SFXN5: variants seen among roughly 807,000 people sequenced by gnomAD.
SFXN5 encodes sideroflexin-5.
Under a neutral mutation model 50.2 loss-of-function variants are expected in SFXN5, and 43 were observed. That is an observed-to-expected ratio of 0.86 (90% CI 0.67 to 1.11). The LOEUF (loss-of-function observed/expected upper bound fraction) is 1.11, where lower values mean the gene tolerates loss of function less well. SFXN5 is among the 50% of genes least tolerant of loss of function. SFXN5 has a pLI of 0.00. For missense variants in SFXN5, 463 were observed against 454.1 expected (o/e 1.02, Z -0.18); for synonymous variants, 203 against 185.8 (o/e 1.09, Z -0.75).
chr2:72,986,302 T>G (rs1312091905), intron 10 of SFXN5, among the ~76,000 whole-genome samples: 2 of 152,362 alleles, frequency 1.3e-5, no homozygotes, highest in South Asian at 4.1e-4. Flanking sequence ...CAATGACCTC[T>G]CACCCTCTCA....
At chr2:73,025,143 A>AAAC (rs537680438) in intron 3 of SFXN5, among the ~76,000 whole-genome samples, 4 of 152,132 alleles carry the variant, frequency 2.6e-5, no homozygotes, top group African/African-American at 4.8e-5. Context: ...GGTTATTTAA[A>AAAC]AACAACAACA....
chr2:73,001,393 T>G (rs886560412), intron 7 of SFXN5, 132 bp downstream of exon 7: 1 of 866,950 alleles, frequency 1.2e-6, no homozygotes, highest in African/African-American at 1.7e-5. Context: ...GCTTCTGGGC[T>G]AGGGGTGGTG....
chr2:73,068,291 A>T (rs565039682), intron 1 of SFXN5, among the ~76,000 whole-genome samples: 1 of 152,352 alleles, frequency 6.6e-6, no homozygotes, highest in East Asian at 1.9e-4. Context: ...GGCTTCTGTC[A>T]GGCCAGCACA....
chr2:73,056,214 A>T (rs1022361776), intron 2 of SFXN5, among the ~76,000 whole-genome samples: 11 of 152,146 alleles, frequency 7.2e-5, no homozygotes, highest in African/African-American at 2.4e-4. Flanking sequence ...TTGTAAATAC[A>T]TATAAAAAGT....
chr2:73,039,722 A>G (rs2105918620), intron 3 of SFXN5, among the ~76,000 whole-genome samples: 1 of 152,288 alleles, frequency 6.6e-6, no homozygotes, highest in East Asian at 1.9e-4. Context: ...CCTGCGGAAC[A>G]GGCATGGGAA....
At chr2:73,054,284 T>C (rs1681796333) in intron 2 of SFXN5, among the ~76,000 whole-genome samples, 1 of 152,222 alleles carries the variant, frequency 6.6e-6, no homozygotes, top group Non-Finnish European at 1.5e-5. Context: ...AAAGGAACAT[T>C]GAAATTTGAA....
rs1365882723 is a variant in SFXN5, at chr2:72,971,579, T to C, written c.732A>G (p.Ala244=). ...GAACCCCCAGACCCACGTGTCGGGC[T>C]GCGATCTTGGAGGAGCCCACGAGGT... ...DGNLVGSSKI[A]ARHALLETAL... is the part of the protein sequence containing the mutation. The change falls in exon 11 of 14, where the codon GCA becomes GCG. Residue 244 remains alanine (A), a synonymous_variant. Coordinates refer to ENST00000272433, the MANE Select transcript of SFXN5 (RefSeq NM_144579.3). 2 of 1,613,622 alleles carry C rather than the reference T, an allele frequency of 1.2e-6. No individual in the cohort carries two copies. Among genetic ancestry groups the C allele is most frequent in the African/African-American group, 2.7e-5 (2 of 74,924 alleles).
At chr2:72,974,347 G>A (rs1348024621) in intron 10 of SFXN5, among the ~76,000 whole-genome samples, 1 of 152,132 alleles carries the variant, frequency 6.6e-6, no homozygotes, top group African/African-American at 2.4e-5. Flanking sequence ...CATTAAACAT[G>A]CGGCGAGCAG....
At chr2:72,977,986 AAAG>A (rs1473510942) in intron 10 of SFXN5, among the ~76,000 whole-genome samples, 3 of 143,274 alleles carry the variant, frequency 2.1e-5, no homozygotes, top group Admixed American at 6.9e-5. Context: ...AAAAAAAAAA[AAAG>A]AAAGAAAGAA....
rs767954216 is a variant in SFXN5 at position 72,945,310 on chromosome 2, C to G, written c.946-211G>C. 6.6e-6 allele frequency among the ~76,000 whole-genome samples: 1 copy of G among 152,144 alleles called. No homozygotes were observed. Among genetic ancestry groups the G allele is most frequent in the Non-Finnish European group, 1.5e-5 (1 of 68,014 alleles). On this transcript the variant is annotated intron_variant, in intron 13 of 13. Transcript: ENST00000272433. This position sits in a 1 kb window ranked among gnomAD's most constrained non-coding sequence, Gnocchi z 5.8. ...GGGGCTCACAGCATCCCTTCCAGCCCAGACCAGATCTCTTTCTTCTGATGG... is the reference window on the plus strand; with the variant it reads ...GGGGCTCACAGCATCCCTTCCAGCCGAGACCAGATCTCTTTCTTCTGATGG...
intron 1 of SFXN5, chr2:73,071,310 A>G (rs1188058912): frequency 7.1e-6 from 3 of 420,434 alleles, no homozygotes; most frequent in African/African-American, 2.1e-5. Flanking sequence ...CGGGACCTTG[A>G]CCGCAGCCGC....
In SFXN5 at chr2:73,062,438, T is replaced by C. The variant is rs1327214710; in HGVS notation, c.103-3842A>G. On this transcript the variant is annotated intron_variant, in intron 1 of 13. Transcript: ENST00000272433. Reference sequence around the variant, plus strand: ...AGGGGAAGAGGAGAGAACCTGGAAGTAGAATGGCCTGAGTGAAGCAACTTC... The same window carrying C: ...AGGGGAAGAGGAGAGAACCTGGAAGCAGAATGGCCTGAGTGAAGCAACTTC... Among the ~76,000 whole-genome samples the C allele has an allele frequency of 2.0e-5, 3 of 152,140 alleles. No individual in the cohort carries two copies. The South Asian group carries it at 6.2e-4, about 32-fold the overall frequency.
At chr2:72,988,943 G>A (rs1298163534) in intron 9 of SFXN5, among the ~76,000 whole-genome samples, 2 of 152,062 alleles carry the variant, frequency 1.3e-5, no homozygotes, top group East Asian at 3.9e-4. Flanking sequence ...CCTGTCACCT[G>A]GCCCAGGATG....
chr2:72,977,973 A>G (rs1440452452), intron 10 of SFXN5, among the ~76,000 whole-genome samples: 20 of 142,040 alleles, frequency 1.4e-4, no homozygotes, highest in Non-Finnish European at 2.7e-4. Flanking sequence ...ACTCTGCCTC[A>G]GAAAAAAAAA....
intron 13 of SFXN5, among the ~76,000 whole-genome samples, chr2:72,948,591 ACCACGGCCCAGGG>A (rs1399792270): frequency 9.2e-5 from 14 of 152,330 alleles, no homozygotes; most frequent in East Asian, 7.7e-4. Context: ...ACCATGCAGG[ACCACGGCCCAGGG>A]CCACGGCCCA....
intron 2 of SFXN5, among the ~76,000 whole-genome samples, chr2:73,052,395 G>T (rs867945448): frequency 2.3e-4 from 34 of 149,828 alleles, no homozygotes; most frequent in Admixed American, 6.7e-5. Context: ...TGTGTGTGAT[G>T]AGTGCATATT....
intron 1 of SFXN5, chr2:73,059,455 G>T: frequency 5.1e-6 from 5 of 985,366 alleles, no homozygotes; most frequent in Non-Finnish European, 6.0e-6. Flanking sequence ...CACAGTGGAG[G>T]AAACAGAAGC....
intron 13 of SFXN5, among the ~76,000 whole-genome samples, chr2:72,957,505 A>G (rs1370006649): frequency 6.6e-6 from 1 of 152,240 alleles, no homozygotes; most frequent in Non-Finnish European, 1.5e-5. Context: ...CAGCCACTCT[A>G]GGAACTAGTT....
At chr2:73,047,352 T>C (rs1443811527) in intron 2 of SFXN5, among the ~76,000 whole-genome samples, 2 of 142,282 alleles carry the variant, frequency 1.4e-5, no homozygotes, top group Admixed American at 7.4e-5. Flanking sequence ...TACATATATA[T>C]GTGTATATAT....
Sources: allele counts gnomAD v4.1 joint callset (sites outside exome capture counted in the v4.1 genomes callset), GRCh38; gene constraint gnomAD v4.1.1; non-coding constraint Gnocchi (gnomAD v3.1); transcripts MANE v1.5; gene names NCBI Gene and HGNC (gene_info 2026-07-23, HGNC 2026-07-21).